Variants in ABHD2 observed in about 807,000 individuals in gnomAD.
ABHD2 encodes abhydrolase domain containing 2, acylglycerol lipase.
A neutral mutation model predicts 48.1 loss-of-function variants in ABHD2; 20 were observed. The observed-to-expected ratio is 0.42, with a 90% CI of 0.29 to 0.60. The LOEUF (loss-of-function observed/expected upper bound fraction) is 0.60, where lower values mean the gene tolerates loss of function less well. ABHD2 is among the 20% of genes least tolerant of loss of function. The pLI is 0.24. For missense variants in ABHD2, 405 were observed against 550.9 expected (o/e 0.74, Z 2.65); for synonymous variants, 209 against 214.2 (o/e 0.98, Z 0.21).
chr15:89,045,965 G>C, the ABHD2 span, among the ~76,000 whole-genome samples: 4 of 152,192 alleles, frequency 2.6e-5, no homozygotes, highest in Non-Finnish European at 4.4e-5. Flanking sequence ...GGGCATCCCT[G>C]TCTTGTGCCA....
Position 89,155,389 on chromosome 15 carries a change from C to T in ABHD2, c.393C>T (p.Cys131=). 1 of 1,614,100 alleles carries T rather than the reference C, an allele frequency of 6.2e-7. No individual in the cohort carries two copies. Among genetic ancestry groups the T allele is most frequent in the Non-Finnish European group, 8.5e-7 (1 of 1,179,990 alleles). Residue 131 remains cysteine (C), a synonymous_variant, in exon 5 of 11, where the codon TGC becomes TGT. Transcript: ENST00000352732. The surrounding 1 kb of genome is among the most constrained non-coding windows in gnomAD (Gnocchi z 4.9). ...CVGDDITMVI[C]PGIANHSEKQ... Reference sequence around the variant, plus strand: ...TAGATGATATCACCATGGTCATCTGCCCTGGAATTGCCAATCACAGCGAGA... The same window carrying T: ...TAGATGATATCACCATGGTCATCTGTCCTGGAATTGCCAATCACAGCGAGA...
the ABHD2 span, among the ~76,000 whole-genome samples, chr15:89,065,382 T>C: frequency 6.6e-6 from 1 of 152,152 alleles, no homozygotes; most frequent in East Asian, 1.9e-4. Context: ...TCAACAGAAT[T>C]GTCCAGGGCA....
At position 89,116,407 on chromosome 15, in the gene ABHD2, A is replaced by G; in HGVS notation, c.80A>G (p.Tyr27Cys). Residue 27 changes from tyrosine (Y) to cysteine (C), a missense_variant, in exon 3 of 11, where the codon TAC (tyrosine) becomes TGC (cysteine). Transcript: ENST00000352732. This position sits in a 1 kb window ranked among gnomAD's most constrained non-coding sequence, Gnocchi z 4.6. ...CTGGCTGCAGTGGCTGCTGTGCTGT[A>G]CGTGATCGTCCGGTGTTTGAACCTG... ...VKLAAVAAVL[Y>C]VIVRCLNLKS... 1 of 1,614,216 alleles carries G rather than the reference A, an allele frequency of 6.2e-7. No individual in the cohort carries two copies. The highest frequency in any genetic ancestry group is 8.5e-7 in the Non-Finnish European group (1 of 1,180,044).
rs1051747537 is a variant in ABHD2, at chr15:89,166,706, G to A, written c.539-9106G>A. ...CATGGTGGCTCATGTCTGTAGTCCCGGCTACTCTAGAAGCGCTGTGCCCAG... is the reference window on the plus strand; with the variant it reads ...CATGGTGGCTCATGTCTGTAGTCCCAGCTACTCTAGAAGCGCTGTGCCCAG... On this transcript the variant is annotated intron_variant, in intron 5 of 10. Transcript: ENST00000352732. The surrounding 1 kb of genome is among the most constrained non-coding windows in gnomAD (Gnocchi z 4.6). Among the ~76,000 whole-genome samples the A allele has an allele frequency of 1.3e-5, 2 of 151,766 alleles. No homozygotes were observed. The highest frequency in any genetic ancestry group is 4.8e-5 in the African/African-American group (2 of 41,264).
rs2050994671 is a variant in ABHD2 at position 89,175,314 on chromosome 15, TC to T, written c.539-494del. Among the ~76,000 whole-genome samples the T allele has an allele frequency of 2.0e-5, 3 of 152,166 alleles. No homozygotes were observed. Among genetic ancestry groups the T allele is most frequent in the Admixed American group, 2.0e-4 (3 of 15,266 alleles). On this transcript the variant is annotated intron_variant, in intron 5 of 10. Coordinates refer to ENST00000352732, the MANE Select transcript of ABHD2 (RefSeq NM_152924.5). The surrounding 1 kb of genome is among the most constrained non-coding windows in gnomAD (Gnocchi z 5.7). ...ATCTTGGCTCACTGTAGCCTCTGCCTCCCCGGCTCAAGGGATCCTCTTGCCT... is the reference window on the plus strand; with the variant it reads ...ATCTTGGCTCACTGTAGCCTCTGCCTCCCGGCTCAAGGGATCCTCTTGCCT...
chr15:89,111,955 A>G (rs965979774), intron 1 of ABHD2, among the ~76,000 whole-genome samples: 5 of 151,932 alleles, frequency 3.3e-5, no homozygotes, highest in Non-Finnish European at 5.9e-5. Context: ...ATATATATAT[A>G]TTGATTGTAT....
At position 89,188,577 on chromosome 15, in the gene ABHD2, A is replaced by G. The variant is rs2051252434; in HGVS notation, c.926+274A>G. Among the ~76,000 whole-genome samples the G allele has an allele frequency of 6.6e-6, 1 of 152,254 alleles. No homozygotes were observed. Among genetic ancestry groups the G allele is most frequent in the Admixed American group, 6.5e-5 (1 of 15,290 alleles). On this transcript the variant is annotated intron_variant, in intron 8 of 10. Coordinates refer to ENST00000352732, the MANE Select transcript of ABHD2 (RefSeq NM_152924.5). The surrounding 1 kb of genome is among the most constrained non-coding windows in gnomAD (Gnocchi z 4.1). Reference sequence around the variant, plus strand: ...CTTGATTCAAGGAGCTGGGGCGTGCAGGCCCTAGCATGGGCAGTCTTCACC... The same window carrying G: ...CTTGATTCAAGGAGCTGGGGCGTGCGGGCCCTAGCATGGGCAGTCTTCACC...
At chr15:89,131,347 C>T (rs531721584) in intron 3 of ABHD2, among the ~76,000 whole-genome samples, 1 of 152,352 alleles carries the variant, frequency 6.6e-6, no homozygotes, top group East Asian at 1.9e-4. Context: ...CTCCACACAG[C>T]CTCTTTATTT....
Position 89,179,495 on chromosome 15 carries a change from C to T in ABHD2, c.722+3500C>T, listed in dbSNP as rs1047846070. 2.5e-4 allele frequency among the ~76,000 whole-genome samples: 38 copies of T among 152,112 alleles called. No individual in the cohort carries two copies. The highest frequency in any genetic ancestry group is 8.9e-4 in the African/African-American group (37 of 41,422). On this transcript the variant is annotated intron_variant, in intron 6 of 10. Transcript: ENST00000352732. This position sits in a 1 kb window ranked among gnomAD's most constrained non-coding sequence, Gnocchi z 4.3. Reference sequence around the variant, plus strand: ...GAGAATCTAATATCTGATGATCTGTCGCTGTCTCCCATCACCCCCAGATGG... The same window carrying T: ...GAGAATCTAATATCTGATGATCTGTTGCTGTCTCCCATCACCCCCAGATGG...
the ABHD2 span, among the ~76,000 whole-genome samples, chr15:89,052,568 C>T: frequency 5.3e-5 from 8 of 151,698 alleles, no homozygotes; most frequent in African/African-American, 1.5e-4. Context: ...GACACACACA[C>T]ACACACACAC....
chr15:89,151,537 G>A lies in ABHD2; in HGVS notation c.195-140G>A, dbSNP rs915394716. 1.2e-5 allele frequency: 10 copies of A among 850,370 alleles called. No homozygotes were observed. The highest frequency in any genetic ancestry group is 1.7e-5 in the African/African-American group (1 of 58,528). The allele number at this position is 850,370 out of a possible 1,614,324, so 52.7% of individuals were successfully genotyped here. A position where few individuals can be genotyped will look rare whatever the true frequency, so the allele number is the denominator to read the frequency against. On this transcript the variant is annotated intron_variant, in intron 3 of 10. Transcript: ENST00000352732. This position sits in a 1 kb window ranked among gnomAD's most constrained non-coding sequence, Gnocchi z 4.7. ...CGGTAAATCATGGCACGGATGTAACGTAATAAAAGCCTCATGTTTATGCTT... is the reference window on the plus strand; with the variant it reads ...CGGTAAATCATGGCACGGATGTAACATAATAAAAGCCTCATGTTTATGCTT...
chr15:89,189,240 T>C lies in ABHD2; in HGVS notation c.926+937T>C, dbSNP rs7175019. ...TGGCTCATGCCTGTAATTCCAGCAC[T>C]TGGGGAGGCTGAGGCTGGAGGATCA... On this transcript the variant is annotated intron_variant, in intron 8 of 10. Transcript: ENST00000352732. This position sits in a 1 kb window ranked among gnomAD's most constrained non-coding sequence, Gnocchi z 4.9. 0.49 allele frequency among the ~76,000 whole-genome samples: 74,105 copies of C among 152,096 alleles called. 18,397 individuals are homozygous for C. Among genetic ancestry groups the C allele is most frequent in the Non-Finnish European group, 0.51 (34,794 of 67,974 alleles).
chr15:89,076,813 G>A, the ABHD2 span, among the ~76,000 whole-genome samples: 1 of 152,084 alleles, frequency 6.6e-6, no homozygotes, highest in African/African-American at 2.4e-5. Flanking sequence ...ATGCTAATAA[G>A]ACCCATACAT....
chr15:89,066,626 T>A, the ABHD2 span, among the ~76,000 whole-genome samples: 5 of 152,142 alleles, frequency 3.3e-5, no homozygotes, highest in Non-Finnish European at 5.9e-5. Context: ...TCATATTTCC[T>A]TCCCAAGGCC....
chr15:89,083,787 C>G (rs1051414073), upstream of ABHD2, among the ~76,000 whole-genome samples: 10 of 152,182 alleles, frequency 6.6e-5, no homozygotes, highest in Admixed American at 6.5e-4. This position sits in a 1 kb window ranked among gnomAD's most constrained non-coding sequence, Gnocchi z 5.1. Context: ...TTTCTAATAA[C>G]AAAAGGACCA....
chr15:89,131,719 T>C (rs1278928741), intron 3 of ABHD2, among the ~76,000 whole-genome samples: 1 of 152,214 alleles, frequency 6.6e-6, no homozygotes, highest in Non-Finnish European at 1.5e-5. Flanking sequence ...TTGTGGCTAA[T>C]ATTTCCATAA....
the ABHD2 span, among the ~76,000 whole-genome samples, chr15:89,079,870 G>A: frequency 6.6e-6 from 1 of 152,322 alleles, no homozygotes; most frequent in Non-Finnish European, 1.5e-5. The surrounding 1 kb of genome is among the most constrained non-coding windows in gnomAD (Gnocchi z 4.3). Context: ...TCTCAGTTGA[G>A]GGCTACTATA....
In ABHD2 at chr15:89,151,992, T is replaced by C. The variant is rs2050599088; in HGVS notation, c.370+140T>C. 1 of 1,106,408 alleles carries C rather than the reference T, an allele frequency of 9.0e-7. No homozygotes were observed. Among genetic ancestry groups the C allele is most frequent in the Non-Finnish European group, 1.3e-6 (1 of 783,300 alleles). The allele number at this position is 1,106,408 out of a possible 1,614,324, so 68.5% of individuals were successfully genotyped here. A position where few individuals can be genotyped will look rare whatever the true frequency, so the allele number is the denominator to read the frequency against. ...CTGTTGGGAAGCCTGCTGGGATTCG[T>C]CACTTAGGAGCAGCCTGCAAAGGTT... On this transcript the variant is annotated intron_variant, in intron 4 of 10. Transcript: ENST00000352732. This position sits in a 1 kb window ranked among gnomAD's most constrained non-coding sequence, Gnocchi z 4.7.
At chr15:89,064,789 A>G in the ABHD2 span, among the ~76,000 whole-genome samples, 4 of 152,140 alleles carry the variant, frequency 2.6e-5, no homozygotes, top group East Asian at 5.8e-4. Flanking sequence ...TCCAATTTGT[A>G]TTGAGAAACA....
Sources: gnomAD v4.1 joint callset for allele counts (sites outside exome capture counted in the v4.1 genomes callset) on GRCh38, gnomAD v4.1.1 for gene constraint, Gnocchi (gnomAD v3.1) non-coding constraint, MANE v1.5 for transcripts, NCBI Gene and HGNC (gene_info 2026-07-23, HGNC 2026-07-21) for gene names.